The following AK5 variants were observed in gnomAD, a reference collection of about 807,000 sequenced individuals.
AK5 encodes adenylate kinase 5.
In AK5, 27 loss-of-function variants were observed where a neutral mutation model predicts 69.5. That is an observed-to-expected ratio of 0.39 (90% CI 0.29 to 0.54). The LOEUF (loss-of-function observed/expected upper bound fraction) is 0.54, where lower values mean the gene tolerates loss of function less well. Ranked by LOEUF, AK5 falls within the 20% of genes least tolerant of loss-of-function variation. The pLI, the probability that AK5 is intolerant of heterozygous loss-of-function variation, is 0.71. For missense variants in AK5, 531 were observed against 700.4 expected (o/e 0.76, Z 2.73); for synonymous variants, 260 against 244.4 (o/e 1.06, Z -0.60).
chr1:77,292,672 C>T (rs11162309), intron 2 of AK5, among the ~76,000 whole-genome samples: 66,576 of 151,934 alleles, frequency 0.44, 14,930 homozygotes, highest in Middle Eastern at 0.5. Flanking sequence ...CCCTGTCTTC[C>T]GGTCCTTTTG....
intron 8 of AK5, among the ~76,000 whole-genome samples, chr1:77,469,358 T>G (rs1422313438): frequency 1.3e-5 from 2 of 152,222 alleles, no homozygotes; most frequent in East Asian, 3.8e-4. Context: ...AGTTCCTCGA[T>G]AACCTGGGTG....
chr1:77,548,564 G>C (rs879206851), intron 13 of AK5, among the ~76,000 whole-genome samples: 1 of 152,174 alleles, frequency 6.6e-6, no homozygotes, highest in Admixed American at 6.5e-5. Context: ...GTAACAGCTT[G>C]GCTTTGTCCC....
At chr1:77,419,772 C>T (rs183479749) in intron 8 of AK5, among the ~76,000 whole-genome samples, 29 of 152,040 alleles carry the variant, frequency 1.9e-4, no homozygotes, top group African/African-American at 5.5e-4. Context: ...GTGATGGAGC[C>T]GAGGTTATTT....
intron 5 of AK5, among the ~76,000 whole-genome samples, chr1:77,339,740 G>A (rs1661554530): frequency 6.7e-6 from 1 of 150,350 alleles, no homozygotes; most frequent in Non-Finnish European, 1.5e-5. Flanking sequence ...CCACCTCCCA[G>A]GTTCAAGCAA....
intron 10 of AK5, among the ~76,000 whole-genome samples, chr1:77,494,730 C>T (rs1181024478): frequency 6.6e-6 from 1 of 151,928 alleles, no homozygotes; most frequent in African/African-American, 2.4e-5. Flanking sequence ...TTAAAACTAA[C>T]ATATACTGGT....
At chr1:77,425,414 C>T (rs1651133899) in intron 8 of AK5, among the ~76,000 whole-genome samples, 1 of 152,004 alleles carries the variant, frequency 6.6e-6, no homozygotes, top group African/African-American at 2.4e-5. Context: ...GGTGAAACCC[C>T]ATCTCTACTA....
chr1:77,514,821 G>A (rs774913135), intron 10 of AK5, among the ~76,000 whole-genome samples: 12 of 152,228 alleles, frequency 7.9e-5, no homozygotes, highest in Non-Finnish European at 7.3e-5. Context: ...GAAAATAATT[G>A]GAACATGGCA....
At chr1:77,443,717 G>A (rs1183755828) in intron 8 of AK5, among the ~76,000 whole-genome samples, 2 of 151,480 alleles carry the variant, frequency 1.3e-5, no homozygotes, top group Non-Finnish European at 2.9e-5. Context: ...GTGTGTGTGT[G>A]TGTGTGTTCA....
intron 12 of AK5, among the ~76,000 whole-genome samples, chr1:77,535,453 A>G (rs200050178): frequency 1.3e-5 from 2 of 152,156 alleles, no homozygotes; most frequent in East Asian, 1.9e-4. Context: ...TGGCTGTTAT[A>G]TCACGGTGGC....
chr1:77,282,614 GGGT>G, intron 1 of AK5: 10 of 1,294,560 alleles, frequency 7.7e-6, no homozygotes, highest in Non-Finnish European at 9.8e-6. Flanking sequence ...TCTTCCAGCA[GGGT>G]TCTGAAAGCA....
intron 8 of AK5, among the ~76,000 whole-genome samples, chr1:77,460,306 A>G (rs939773631): frequency 1.3e-5 from 2 of 152,262 alleles, no homozygotes; most frequent in African/African-American, 4.8e-5. Flanking sequence ...CATTTAGAAT[A>G]GTAGCAAACG....
chr1:77,345,778 C>T (rs1468661769), intron 6 of AK5, among the ~76,000 whole-genome samples: 4 of 152,144 alleles, frequency 2.6e-5, no homozygotes, highest in Non-Finnish European at 4.4e-5. Flanking sequence ...TGAGAATCCC[C>T]GCATTATGCA....
At chr1:77,385,167 G>GT (rs1557549314) in intron 6 of AK5, among the ~76,000 whole-genome samples, 1 of 151,948 alleles carries the variant, frequency 6.6e-6, no homozygotes, top group Non-Finnish European at 1.5e-5. Flanking sequence ...GTTTTGTTTT[G>GT]TTTTGTTTTG....
At chr1:77,418,452 A>G (rs1371146824) in intron 8 of AK5, among the ~76,000 whole-genome samples, 1 of 152,170 alleles carries the variant, frequency 6.6e-6, no homozygotes, top group Non-Finnish European at 1.5e-5. Context: ...AAACCATATC[A>G]CTAGTCTGTG....
chr1:77,423,224 AAAAAAAT>A lies in AK5; in HGVS notation c.1059+5516_1059+5522del, dbSNP rs1157491650. Among the ~76,000 whole-genome samples, 15 of 131,914 alleles carry A rather than the reference AAAAAAAT, an allele frequency of 1.1e-4. 1 individual carries two copies. The highest frequency in any genetic ancestry group is 3.7e-4 in the Admixed American group (5 of 13,618). The allele number at this position is 131,914 out of a possible 152,430, so 86.5% of individuals were successfully genotyped here. A position where few individuals can be genotyped will look rare whatever the true frequency, so the allele number is the denominator to read the frequency against. On this transcript the variant is annotated intron_variant, in intron 8 of 13. Transcript: ENST00000354567. ...CAACAGAGCAAGACTCCGTCTAAAA[AAAAAAAT>A]AAAAAAAAAAGAAGAACTACTGTTG...
At chr1:77,433,611 T>A (rs1324755487) in intron 8 of AK5, among the ~76,000 whole-genome samples, 1 of 152,202 alleles carries the variant, frequency 6.6e-6, no homozygotes, top group African/African-American at 2.4e-5. Context: ...TTTCCCATTT[T>A]GGAGGGATCA....
chr1:77,466,710 G>A (rs140461514), intron 8 of AK5, among the ~76,000 whole-genome samples: 156 of 152,306 alleles, frequency 1.0e-3, no homozygotes, highest in Non-Finnish European at 1.9e-3. Context: ...TGTTTGCTAC[G>A]TCCTCACATG....
intron 5 of AK5, among the ~76,000 whole-genome samples, chr1:77,337,636 C>A (rs1051679840): frequency 6.6e-6 from 1 of 152,076 alleles, no homozygotes; most frequent in African/African-American, 2.4e-5. Context: ...CAGGTAATCT[C>A]TTTATCATAT....
At chr1:77,425,169 C>T (rs907237773) in intron 8 of AK5, among the ~76,000 whole-genome samples, 1 of 152,014 alleles carries the variant, frequency 6.6e-6, no homozygotes, top group Non-Finnish European at 1.5e-5. Flanking sequence ...CTGTACTCGA[C>T]AAAATTATCC....
Sources: gnomAD v4.1 joint callset for allele counts (sites outside exome capture counted in the v4.1 genomes callset) on GRCh38, gnomAD v4.1.1 for gene constraint, MANE v1.5 for transcripts, NCBI Gene and HGNC (gene_info 2026-07-23, HGNC 2026-07-21) for gene names.